NBEA: variants seen among roughly 807,000 people sequenced by gnomAD.
The protein encoded by NBEA is lysosomal-trafficking regulator 2.
A neutral mutation model predicts 343.4 loss-of-function variants in NBEA; 44 were observed. The observed-to-expected ratio is 0.13, with a 90% CI of 0.10 to 0.16. The LOEUF (loss-of-function observed/expected upper bound fraction) is 0.16, where lower values mean the gene tolerates loss of function less well. NBEA is among the 10% of genes least tolerant of loss of function. The probability of loss-of-function intolerance (pLI) is 1.00; values close to 1 mark genes in which losing one functional copy is unlikely to be tolerated. For synonymous variants in NBEA, 1,175 were observed against 1,238.7 expected (o/e 0.95, Z 1.08); for missense variants, 2,555 against 3,631.3 (o/e 0.70, Z 7.62).
intron 35 of NBEA, among the ~76,000 whole-genome samples, chr13:35,294,859 T>G (rs1225162371): frequency 6.6e-6 from 1 of 151,924 alleles, no homozygotes; most frequent in Non-Finnish European, 1.5e-5. Context: ...ATGCAAGGTA[T>G]CCTATTCAGC....
chr13:35,280,330 G>A (rs1164572045), intron 34 of NBEA, among the ~76,000 whole-genome samples: 3 of 152,106 alleles, frequency 2.0e-5, no homozygotes, highest in Admixed American at 6.6e-5. Flanking sequence ...ATGAGTAAAA[G>A]AAGATGTTTA....
chr13:35,053,757 A>G (rs766939655), intron 6 of NBEA, among the ~76,000 whole-genome samples: 1 of 152,176 alleles, frequency 6.6e-6, no homozygotes, highest in Non-Finnish European at 1.5e-5. Flanking sequence ...AAAACAAAAT[A>G]GCAGTTTAGT....
chr13:35,633,679 T>TA (rs1163980236), intron 49 of NBEA, among the ~76,000 whole-genome samples: 1 of 152,020 alleles, frequency 6.6e-6, no homozygotes, highest in African/African-American at 2.4e-5. Flanking sequence ...ACAGAGATGA[T>TA]ACCTAATTCA....
intron 36 of NBEA, among the ~76,000 whole-genome samples, chr13:35,333,812 T>C (rs2152850770): frequency 6.6e-6 from 1 of 152,300 alleles, no homozygotes; most frequent in Admixed American, 6.5e-5. Flanking sequence ...TTTCTGTGCC[T>C]GTCCTGTTTC....
At chr13:34,987,067 A>G (rs1413002669) in intron 1 of NBEA, among the ~76,000 whole-genome samples, 2 of 150,802 alleles carry the variant, frequency 1.3e-5, no homozygotes, top group African/African-American at 2.4e-5. Flanking sequence ...TTAGCCGGTT[A>G]TTTTGCCCAT....
intron 18 of NBEA, among the ~76,000 whole-genome samples, chr13:35,149,821 A>G (rs1161072819): frequency 6.6e-6 from 1 of 152,112 alleles, no homozygotes; most frequent in Non-Finnish European, 1.5e-5. Flanking sequence ...AATTTGAAAA[A>G]CCATTGTGTA....
At chr13:34,999,897 C>T (rs983831921) in intron 1 of NBEA, among the ~76,000 whole-genome samples, 1 of 152,114 alleles carries the variant, frequency 6.6e-6, no homozygotes, top group Non-Finnish European at 1.5e-5. Flanking sequence ...GTATACAGTA[C>T]TTACATTCAC....
At chr13:35,290,795 ATCT>A (rs1313357126) in intron 35 of NBEA, among the ~76,000 whole-genome samples, 1 of 151,404 alleles carries the variant, frequency 6.6e-6, no homozygotes, top group African/African-American at 2.4e-5. Flanking sequence ...ATTATCTTGT[ATCT>A]TCTTCTCTTA....
chr13:34,969,611 T>C (rs781535291), intron 1 of NBEA, among the ~76,000 whole-genome samples: 5 of 152,048 alleles, frequency 3.3e-5, no homozygotes, highest in Non-Finnish European at 7.4e-5. Flanking sequence ...AGTGTATTCT[T>C]ACCATTTAGC....
intron 41 of NBEA, among the ~76,000 whole-genome samples, chr13:35,526,189 A>T (rs2077966127): frequency 6.6e-6 from 1 of 152,214 alleles, no homozygotes; most frequent in Non-Finnish European, 1.5e-5. Flanking sequence ...GTTATATATT[A>T]AGAACTTCTA....
At chr13:35,217,757 A>G (rs2074144284) in intron 33 of NBEA, among the ~76,000 whole-genome samples, 1 of 152,066 alleles carries the variant, frequency 6.6e-6, no homozygotes, top group South Asian at 2.1e-4. Flanking sequence ...CAGTGTATTT[A>G]ATGAGATCTC....
At chr13:35,629,107 A>C (rs190834644) in intron 49 of NBEA, among the ~76,000 whole-genome samples, 13 of 152,338 alleles carry the variant, frequency 8.5e-5, no homozygotes, top group Non-Finnish European at 1.9e-4. Flanking sequence ...GAAAATATTC[A>C]TATAAAATAT....
At chr13:35,196,459 G>T (rs564970546) in intron 31 of NBEA, among the ~76,000 whole-genome samples, 157 bp downstream of exon 31, 1 of 152,206 alleles carries the variant, frequency 6.6e-6, no homozygotes, top group East Asian at 1.9e-4. Context: ...CTTATAATAA[G>T]ACATCTTAAT....
At chr13:35,210,500 A>T (rs906289162) in intron 32 of NBEA, among the ~76,000 whole-genome samples, 8 of 152,178 alleles carry the variant, frequency 5.3e-5, no homozygotes, top group Non-Finnish European at 8.8e-5. Context: ...TACGTGGCAT[A>T]TGATAGAAAA....
intron 41 of NBEA, chr13:35,476,386 G>T (rs2075874419): frequency 3.5e-6 from 4 of 1,135,032 alleles, no homozygotes; most frequent in Non-Finnish European, 5.2e-6. Context: ...GAGCCCAGCC[G>T]TTCTTAAAGT....
chr13:35,134,000 C>A (rs187669075), intron 17 of NBEA, among the ~76,000 whole-genome samples: 14 of 151,658 alleles, frequency 9.2e-5, no homozygotes, highest in Non-Finnish European at 1.9e-4. Flanking sequence ...CTGTAAAAAT[C>A]AGATGGGATT....
rs541996655 is a variant in NBEA, at chr13:35,049,209, G to A, written c.845+525G>A. 3.6e-3 allele frequency among the ~76,000 whole-genome samples: 547 copies of A among 151,978 alleles called. 6 individuals carry two copies. The highest frequency in any genetic ancestry group is 0.013 in the African/African-American group (520 of 41,530). On this transcript the variant is annotated intron_variant, in intron 5 of 58. Transcript: ENST00000379939. ...AAGGGTTGAAAGCTTGATAATTTTA[G>A]TATGCCAGTAATACACAGTACAGCA...
At chr13:35,564,111 T>C (rs1454775456) in intron 44 of NBEA, among the ~76,000 whole-genome samples, 1 of 152,056 alleles carries the variant, frequency 6.6e-6, no homozygotes, top group Non-Finnish European at 1.5e-5. Flanking sequence ...TCTTCAAATA[T>C]AGTCTACATT....
chr13:35,254,293 T>C (rs1173687659), intron 34 of NBEA, among the ~76,000 whole-genome samples: 3 of 151,464 alleles, frequency 2.0e-5, no homozygotes, highest in Non-Finnish European at 4.4e-5. Flanking sequence ...CTTAAAACTT[T>C]TAACTAAGTT....
Sources: allele counts gnomAD v4.1 joint callset (sites outside exome capture counted in the v4.1 genomes callset), GRCh38; gene constraint gnomAD v4.1.1; transcripts MANE v1.5; gene names NCBI Gene and HGNC (gene_info 2026-07-23, HGNC 2026-07-21).